The following TBRG1 variants were observed in gnomAD, a reference collection of about 807,000 sequenced individuals.
TBRG1 encodes nuclear interactor of ARF and MDM2.
TBRG1 carries 31 observed loss-of-function variants against 44.0 expected under a neutral mutation model. The ratio of observed to expected loss-of-function variants is 0.70; its 90% confidence interval spans 0.53 to 0.95. The LOEUF (loss-of-function observed/expected upper bound fraction) is 0.95. Ranked by LOEUF, TBRG1 falls within the 40% of genes least tolerant of loss-of-function variation. The pLI is 0.00. For synonymous variants in TBRG1, 171 were observed against 188.1 expected, an observed-to-expected ratio of 0.91 and a Z score of 0.74; for missense variants, 487 against 496.1, an observed-to-expected ratio of 0.98 and a Z score of 0.18.
intron 3 of TBRG1, 55 bp from the exon 4 acceptor site, chr11:124,626,413 ATCCCT>A: frequency 7.0e-7 from 1 of 1,429,154 alleles, no homozygotes; most frequent in Non-Finnish European, 9.3e-7. Context: ...GTGCAAATTT[ATCCCT>A]TCCCTTCAAC....
chr11:124,623,225 A>G lies in TBRG1; in HGVS notation c.142A>G (p.Thr48Ala), dbSNP rs2134318799. The G allele has an allele frequency of 6.4e-7, 1 of 1,551,476 alleles. No homozygotes were observed. Among genetic ancestry groups the G allele is most frequent in the East Asian group, 2.4e-5 (1 of 40,926 alleles). The part of the protein sequence containing the change: ...YLRLRKAAKA[T>A]VFENAAICDE... ...GCGGCTGCGCAAAGCGGCCAAGGCC[A>G]CGGTGTTTGTGAGTCTGACCCACGT... Residue 48 changes from threonine (T) to alanine (A), a missense_variant, in exon 1 of 9, where the codon ACG becomes GCG. By Grantham distance (58) the Thr-to-Ala change is moderately conservative. Transcript: ENST00000441174.
At chr11:124,627,911 A>T (rs1036555416) in intron 5 of TBRG1, among the ~76,000 whole-genome samples, 1 of 151,792 alleles carries the variant, frequency 6.6e-6, no homozygotes, top group African/African-American at 2.4e-5. Flanking sequence ...ATTTTCTCTG[A>T]AAAACAAAAT....
chr11:124,630,564 G>A (rs1448355675), intron 6 of TBRG1, 79 bp downstream of exon 6: 24 of 1,164,050 alleles, frequency 2.1e-5, no homozygotes, highest in Non-Finnish European at 2.7e-5. Flanking sequence ...CTTTTAATGG[G>A]TGGAGATACT....
Position 124,626,465 on chromosome 11 carries a change from C to T in TBRG1, c.455-8C>T, listed in dbSNP as rs756985726. ...CCTAAAGTGGGTGACCCCAGATTTG[C>T]GTTTCAGTTCTGAAGAAAACATGCA... On this transcript the variant is annotated splice_region_variant and splice_polypyrimidine_tract_variant and intron_variant, in intron 3 of 8. Coordinates refer to ENST00000441174, the MANE Select transcript of TBRG1 (RefSeq NM_032811.3). The T allele has an allele frequency of 4.7e-5, 72 of 1,523,098 alleles. 1 individual carries two copies. The highest frequency in any genetic ancestry group is 4.0e-4 in the South Asian group (31 of 78,078). 94.3% of individuals were successfully genotyped at this position (1,523,098 alleles called of 1,614,324 possible). A position where few individuals can be genotyped will look rare whatever the true frequency, so the allele number is the denominator to read the frequency against.
chr11:124,625,637 T>C (rs1942450800), intron 2 of TBRG1, 34 bp from the exon 3 acceptor site: 1 of 1,536,754 alleles, frequency 6.5e-7, no homozygotes, highest in African/African-American at 1.4e-5. Flanking sequence ...AATACGGAAG[T>C]TCATTTCTCT....
rs904569764 is a variant in TBRG1 at position 124,635,668 on chromosome 11, G to A, written c.*3430G>A. ...AAAATACATTGTATATGTACAGTGAGTGATGCTTTTTGCTTTAGTTCTCAT... is the reference window on the plus strand; with the variant it reads ...AAAATACATTGTATATGTACAGTGAATGATGCTTTTTGCTTTAGTTCTCAT... On this transcript the variant is annotated 3_prime_UTR_variant, in exon 9 of 9. Coordinates refer to ENST00000441174, the MANE Select transcript of TBRG1 (RefSeq NM_032811.3). The A allele has an allele frequency of 1.3e-5, 2 of 152,274 alleles. No homozygotes were observed. The highest frequency in any genetic ancestry group is 1.9e-4 in the East Asian group (1 of 5,178). 9.4% of individuals were successfully genotyped at this position (152,274 alleles called of 1,614,324 possible).
Position 124,632,373 on chromosome 11 carries a change from G to A in TBRG1, c.*135G>A, listed in dbSNP as rs1942635606. On this transcript the variant is annotated 3_prime_UTR_variant, in exon 9 of 9. Transcript: ENST00000441174. The stretch of plus-strand genomic sequence containing the variant: ...CGTATTTCATCATGGAAGGTCCTGT[G>A]GTGATGGTTTTCCCTGGGAAAACCT... The A allele has an allele frequency of 7.9e-6, 5 of 636,126 alleles. No homozygotes were observed. In the South Asian group the frequency reaches 1.3e-4, roughly 17 times the overall value. 39.4% of individuals were successfully genotyped at this position (636,126 alleles called of 1,614,324 possible).
intron 5 of TBRG1, among the ~76,000 whole-genome samples, chr11:124,629,255 C>G (rs1476107652): frequency 6.6e-6 from 1 of 152,094 alleles, no homozygotes; most frequent in East Asian, 1.9e-4. Context: ...AGGAGAATGG[C>G]GTGAACCCGG....
intron 3 of TBRG1, 109 bp downstream of exon 3, chr11:124,626,012 AT>A: frequency 2.8e-6 from 4 of 1,412,200 alleles, no homozygotes; most frequent in African/African-American, 2.9e-5. Context: ...TTAGAGTCTC[AT>A]CTGGTTCTTA....
Position 124,632,305 on chromosome 11 carries a change from T to A in TBRG1, c.*67T>A. The A allele has an allele frequency of 6.8e-7, 1 of 1,469,490 alleles. No individual in the cohort carries two copies. Among genetic ancestry groups the A allele is most frequent in the Non-Finnish European group, 9.4e-7 (1 of 1,062,756 alleles). The allele number at this position is 1,469,490 out of a possible 1,614,324, so 91.0% of individuals were successfully genotyped here. On this transcript the variant is annotated 3_prime_UTR_variant, in exon 9 of 9. Coordinates refer to ENST00000441174, the MANE Select transcript of TBRG1 (RefSeq NM_032811.3). The stretch of plus-strand genomic sequence containing the variant: ...ATTTAACTTAAACTAAAATTTTGGG[T>A]ATATGAAAGAAGGCAGCAATTCAGA...
At chr11:124,623,409 C>T (rs1195956151) in intron 1 of TBRG1, 176 bp downstream of exon 1, 1 of 750,148 alleles carries the variant, frequency 1.3e-6, no homozygotes, top group Non-Finnish European at 2.3e-6. Context: ...TCTGTGTCCT[C>T]ATCTGTAAAT....
chr11:124,630,433 T>A lies in TBRG1; in HGVS notation c.784T>A (p.Ser262Thr). The A allele has an allele frequency of 6.2e-7, 1 of 1,613,914 alleles. No individual in the cohort carries two copies. ...EDDPQNAIVSSSADACHAELL... is the reference protein window; with the variant it reads ...EDDPQNAIVSTSADACHAELL... The stretch of plus-strand genomic sequence containing the variant: ...TGACCCCCAGAATGCCATTGTCAGC[T>A]CTTCTGCAGATGCTTGTCATGCAGA... The change falls in exon 6 of 9, where the codon TCT (serine) becomes ACT (threonine). Residue 262 changes from serine (S) to threonine (T), a missense_variant. Coordinates refer to ENST00000441174, the MANE Select transcript of TBRG1 (RefSeq NM_032811.3).
chr11:124,628,422 C>A (rs889389805), intron 5 of TBRG1, among the ~76,000 whole-genome samples: 1 of 150,112 alleles, frequency 6.7e-6, no homozygotes, highest in Non-Finnish European at 1.5e-5. Flanking sequence ...GCAAAAGACA[C>A]CATGATCAGA....
intron 5 of TBRG1, chr11:124,630,160 TG>T (rs1942576898): frequency 2.2e-6 from 1 of 454,924 alleles, no homozygotes; most frequent in Admixed American, 3.4e-5. Context: ...CGCTCACTTT[TG>T]GAAAGCTGTC....
In TBRG1 at chr11:124,626,616, G is replaced by A. The variant is rs61910592; in HGVS notation, c.591+7G>A. On this transcript the variant is annotated splice_region_variant and intron_variant, in intron 4 of 8. Coordinates refer to ENST00000441174, the MANE Select transcript of TBRG1 (RefSeq NM_032811.3). The stretch of plus-strand genomic sequence containing the variant: ...AGTATATAGCCTGGGGGAGGTGAGT[G>A]AGACCAGCGATATATAGAGAGGAGA... 1 of 1,551,596 alleles carries A rather than the reference G, an allele frequency of 6.4e-7. No homozygotes were observed. Among genetic ancestry groups the A allele is most frequent in the Non-Finnish European group, 8.7e-7 (1 of 1,146,926 alleles).
chr11:124,625,090 T>C (rs1942434530), intron 2 of TBRG1, 89 bp downstream of exon 2: 1 of 930,884 alleles, frequency 1.1e-6, no homozygotes, highest in Non-Finnish European at 1.7e-6. Flanking sequence ...GAGACTTTTT[T>C]TCCCAGTGGG....
In TBRG1 at chr11:124,626,521, A is replaced by G. The variant is rs1339772426; in HGVS notation, c.503A>G (p.Lys168Arg). ...AAGAAAATGGCGGGAGGTGCTCGCA[A>G]GCTGGTTCAGCCCATTGCCCTGGAT... ...KKKKMAGGAR[K>R]LVQPIALDPS... Residue 168 changes from lysine to arginine, a missense_variant, in exon 4 of 9, where the codon AAG (lysine) becomes AGG (arginine). Lys to Arg is a conservative substitution (Grantham distance 26). Transcript: ENST00000441174. The G allele has an allele frequency of 4.5e-6, 7 of 1,550,516 alleles. No homozygotes were observed. The highest frequency in any genetic ancestry group is 6.1e-6 in the Non-Finnish European group (7 of 1,146,406).
chr11:124,631,073 C>A, intron 7 of TBRG1: 1 of 639,748 alleles, frequency 1.6e-6, no homozygotes, highest in Non-Finnish European at 2.6e-6. Flanking sequence ...TGTACCATGA[C>A]AGCAAAAGGG....
chr11:124,625,536 G>T, intron 2 of TBRG1, 135 bp from the exon 3 acceptor site: 1 of 739,554 alleles, frequency 1.4e-6, no homozygotes, highest in Admixed American at 3.0e-5. Context: ...GATTCATAGG[G>T]CCTAATAAGA....
Sources: gnomAD v4.1 joint callset for allele counts (sites outside exome capture counted in the v4.1 genomes callset) on GRCh38, gnomAD v4.1.1 for gene constraint, MANE v1.5 for transcripts, NCBI Gene and HGNC (gene_info 2026-07-23, HGNC 2026-07-21) for gene names.